The following GCH1 variants were observed in gnomAD, a reference collection of about 807,000 sequenced individuals.
GCH1 encodes GTP cyclohydrolase 1.
Under a neutral mutation model 25.9 loss-of-function variants are expected in GCH1, and 5 were observed. The ratio of observed to expected loss-of-function variants is 0.19; its 90% confidence interval spans 0.10 to 0.41. The LOEUF (loss-of-function observed/expected upper bound fraction) is 0.41, where lower values mean the gene tolerates loss of function less well. GCH1 is among the 10% of genes least tolerant of loss of function. The pLI is 1.00. For synonymous variants in GCH1, 159 were observed against 129.6 expected, an observed-to-expected ratio of 1.23 and a Z score of -1.54; for missense variants, 261 against 336.5, an observed-to-expected ratio of 0.78 and a Z score of 1.75.
chr14:54,844,411 T>C (rs1049788799), intron 5 of GCH1, among the ~76,000 whole-genome samples: 1 of 152,238 alleles, frequency 6.6e-6, no homozygotes, highest in African/African-American at 2.4e-5. Context: ...TATCAGTAGT[T>C]GATCCTTAAA....
chr14:54,889,264 G>A (rs1566681303), intron 1 of GCH1, among the ~76,000 whole-genome samples: 1 of 152,208 alleles, frequency 6.6e-6, no homozygotes, highest in Non-Finnish European at 1.5e-5. Flanking sequence ...ACCTCACTGA[G>A]TTAAGGCCTC....
chr14:54,896,320 G>A (rs941719782), intron 1 of GCH1, among the ~76,000 whole-genome samples: 1 of 152,052 alleles, frequency 6.6e-6, no homozygotes, highest in Non-Finnish European at 1.5e-5. Context: ...ACCTAAAGAT[G>A]TGGGTTCCCA....
At chr14:54,859,167 T>A in intron 3 of GCH1, 1 of 169,374 alleles carries the variant, frequency 5.9e-6, no homozygotes, top group Non-Finnish European at 1.3e-5. Context: ...CAAGGCAGGG[T>A]TGAGGCTGGG....
intron 3 of GCH1, among the ~76,000 whole-genome samples, chr14:54,848,414 C>A (rs142248621): frequency 6.6e-6 from 1 of 152,180 alleles, no homozygotes; most frequent in Non-Finnish European, 1.5e-5. Flanking sequence ...GGATTACAGG[C>A]GTGAGCCCCT....
At chr14:54,884,625 C>T (rs2040320178) in intron 1 of GCH1, among the ~76,000 whole-genome samples, 1 of 151,992 alleles carries the variant, frequency 6.6e-6, no homozygotes, top group Non-Finnish European at 1.5e-5. Flanking sequence ...CAAAAATTAG[C>T]CGGGCGTAGT....
At chr14:54,866,377 A>C (rs1053950583) in intron 1 of GCH1, among the ~76,000 whole-genome samples, 1 of 152,146 alleles carries the variant, frequency 6.6e-6, no homozygotes, top group Admixed American at 6.6e-5. Context: ...TATGACATGG[A>C]AACTTCTTCA....
chr14:54,860,239 C>T (rs1243968363), intron 2 of GCH1, among the ~76,000 whole-genome samples: 2 of 151,316 alleles, frequency 1.3e-5, no homozygotes, highest in Non-Finnish European at 2.9e-5. Context: ...ATGGCCCTGA[C>T]ACTTACCTGT....
intron 3 of GCH1, chr14:54,859,338 C>T (rs960609868): frequency 6.7e-5 from 21 of 314,676 alleles, no homozygotes; most frequent in Non-Finnish European, 1.1e-4. Flanking sequence ...CTTCCCCAAC[C>T]CCTCACTGTT....
At position 54,885,573 on chromosome 14, in the gene GCH1, T is replaced by TGCCCCCAGCAAGGTGAGG. The variant is rs1256812121; in HGVS notation, c.343+16747_343+16748insCCTCACCTTGCTGGGGGC. 21 of 395,188 alleles carry TGCCCCCAGCAAGGTGAGG rather than the reference T, an allele frequency of 5.3e-5. No homozygotes were observed. The East Asian group carries it at 1.2e-3, about 22-fold the overall frequency. 24.5% of individuals were successfully genotyped at this position (395,188 alleles called of 1,614,324 possible). A position where few individuals can be genotyped will look rare whatever the true frequency, so the allele number is the denominator to read the frequency against. On this transcript the variant is annotated intron_variant, in intron 1 of 5. Transcript: ENST00000491895. ...CCCAGCAAGGTGAGGGATGAATCCC[T>TGCCCCCAGCAAGGTGAGG]GATGTCATCTGCCACCAGGAAGAAA...
chr14:54,895,991 G>A (rs1402744727), intron 1 of GCH1, among the ~76,000 whole-genome samples: 10 of 152,210 alleles, frequency 6.6e-5, no homozygotes, highest in African/African-American at 1.7e-4. Flanking sequence ...ACGCTGCAAC[G>A]TAGGGAAAAC....
chr14:54,893,727 G>A (rs1186244865), intron 1 of GCH1, among the ~76,000 whole-genome samples: 1 of 152,102 alleles, frequency 6.6e-6, no homozygotes, highest in African/African-American at 2.4e-5. Flanking sequence ...CTACTGTGAG[G>A]ATCAAATGAG....
At chr14:54,901,078 GC>G (rs1484570317) in intron 1 of GCH1, among the ~76,000 whole-genome samples, 2 of 152,090 alleles carry the variant, frequency 1.3e-5, no homozygotes, top group African/African-American at 4.8e-5. Context: ...TCCTTTTGGG[GC>G]CCCGTCTCTT....
At chr14:54,902,026 T>A (rs1350390374) in intron 1 of GCH1, among the ~76,000 whole-genome samples, 1 of 152,050 alleles carries the variant, frequency 6.6e-6, no homozygotes, top group African/African-American at 2.4e-5. Flanking sequence ...CGGGCTCCCG[T>A]CCACGCCCAC....
intron 1 of GCH1, among the ~76,000 whole-genome samples, chr14:54,882,746 T>G (rs1450953767): frequency 6.6e-6 from 1 of 152,190 alleles, no homozygotes; most frequent in Non-Finnish European, 1.5e-5. Flanking sequence ...CTTATCATCC[T>G]ACATTCACTT....
rs191495372 is a variant in GCH1 at position 54,897,017 on chromosome 14, T to G, written c.343+5304A>C. 2.0e-3 allele frequency among the ~76,000 whole-genome samples: 284 copies of G among 139,414 alleles called. 14 individuals carry two copies. In the East Asian group the frequency reaches 0.022, roughly 11 times the overall value. 91.5% of individuals were successfully genotyped at this position (139,414 alleles called of 152,430 possible). A position where few individuals can be genotyped will look rare whatever the true frequency, so the allele number is the denominator to read the frequency against. On this transcript the variant is annotated intron_variant, in intron 1 of 5. Transcript: ENST00000491895. ...CATTCTACTCCACTTTTTGTTTTTT[T>G]TTTTTTTTTTTGAGATGGAGTCTTG... is the stretch of plus-strand genomic sequence containing the variant.
At chr14:54,896,210 A>G (rs1289035686) in intron 1 of GCH1, among the ~76,000 whole-genome samples, 2 of 152,348 alleles carry the variant, frequency 1.3e-5, no homozygotes, top group Non-Finnish European at 2.9e-5. Context: ...CAGAAAAGTG[A>G]CCTTCAGAGA....
chr14:54,880,140 CA>C (rs58085261), intron 1 of GCH1, among the ~76,000 whole-genome samples: 59 of 141,156 alleles, frequency 4.2e-4, no homozygotes, highest in Middle Eastern at 3.6e-3. Context: ...GACTCCATCT[CA>C]AAAAAAAAAA....
intron 1 of GCH1, among the ~76,000 whole-genome samples, chr14:54,876,495 T>TAA (rs150668526): frequency 1.3e-5 from 2 of 149,842 alleles, no homozygotes; most frequent in Non-Finnish European, 3.0e-5. Flanking sequence ...AGTATAATAA[T>TAA]AAAAAAAAAA....
At chr14:54,868,189 G>A (rs2040015949) in intron 1 of GCH1, among the ~76,000 whole-genome samples, 1 of 152,170 alleles carries the variant, frequency 6.6e-6, no homozygotes, top group South Asian at 2.1e-4. Flanking sequence ...CAAGGTGGGA[G>A]GATCACTTGA....
Sources: allele counts gnomAD v4.1 joint callset (sites outside exome capture counted in the v4.1 genomes callset), GRCh38; gene constraint gnomAD v4.1.1; transcripts MANE v1.5; gene names NCBI Gene and HGNC (gene_info 2026-07-23, HGNC 2026-07-21).